The following SUGCT variants were observed in gnomAD, a reference collection of about 807,000 sequenced individuals.
The protein encoded by SUGCT is succinyl-CoA:glutarate CoA-transferase.
A neutral mutation model predicts 55.0 loss-of-function variants in SUGCT; 41 were observed. That is an observed-to-expected ratio of 0.74 (90% CI 0.58 to 0.97). The LOEUF (loss-of-function observed/expected upper bound fraction) is 0.97. Ranked by LOEUF, SUGCT falls within the 50% of genes least tolerant of loss-of-function variation. SUGCT has a pLI of 0.00. For missense variants in SUGCT, 568 were observed against 547.8 expected (o/e 1.04, Z -0.37); for synonymous variants, 187 against 200.4 (o/e 0.93, Z 0.56).
intron 11 of SUGCT, among the ~76,000 whole-genome samples, chr7:40,493,821 A>G (rs1791825782): frequency 1.3e-5 from 2 of 152,178 alleles, no homozygotes; most frequent in Non-Finnish European, 2.9e-5. Flanking sequence ...CTTTTTGCAT[A>G]AAGGATTCCA....
At chr7:40,421,212 C>A (rs759590798) in intron 9 of SUGCT, among the ~76,000 whole-genome samples, 4 of 152,172 alleles carry the variant, frequency 2.6e-5, no homozygotes, top group Non-Finnish European at 5.9e-5. Context: ...AGGTCTTGAG[C>A]TACTGCTTTT....
At chr7:40,940,618 A>C in the SUGCT span, among the ~76,000 whole-genome samples, 2 of 151,970 alleles carry the variant, frequency 1.3e-5, no homozygotes, top group Non-Finnish European at 2.9e-5. Flanking sequence ...GTATATTTTA[A>C]GATATTTTAA....
At chr7:40,146,535 A>T (rs953849320) in intron 1 of SUGCT, among the ~76,000 whole-genome samples, 1 of 152,272 alleles carries the variant, frequency 6.6e-6, no homozygotes, top group Non-Finnish European at 1.5e-5. Context: ...AGTATTCCTT[A>T]TGGGAAACAA....
chr7:40,600,281 T>C (rs1422529911), intron 12 of SUGCT, among the ~76,000 whole-genome samples: 1 of 152,202 alleles, frequency 6.6e-6, no homozygotes, highest in Non-Finnish European at 1.5e-5. Context: ...AAGCTGGATT[T>C]CTGTGCATCT....
chr7:40,370,608 GGA>G lies in SUGCT; in HGVS notation c.816+53764_816+53765del, dbSNP rs148116234. 3.5e-5 allele frequency among the ~76,000 whole-genome samples: 5 copies of G among 143,570 alleles called. 1 individual carries two copies. In the South Asian group the frequency reaches 7.4e-4, roughly 21 times the overall value. The allele number at this position is 143,570 out of a possible 152,430, so 94.2% of individuals were successfully genotyped here. Reference sequence around the variant, plus strand: ...GAGAGAGATGGGGGAGAGAGAGAGAGGAGAGAGAGAGATGGGGGAGAGAGAGA... The same window carrying G: ...GAGAGAGATGGGGGAGAGAGAGAGAGGAGAGAGAGATGGGGGAGAGAGAGA... On this transcript the variant is annotated intron_variant, in intron 9 of 13. Coordinates refer to ENST00000335693, the MANE Select transcript of SUGCT (RefSeq NM_001193313.2).
At chr7:40,383,834 T>G (rs1280112751) in intron 9 of SUGCT, among the ~76,000 whole-genome samples, 1 of 152,168 alleles carries the variant, frequency 6.6e-6, no homozygotes, top group Non-Finnish European at 1.5e-5. Flanking sequence ...TAGATGACAC[T>G]AAAATGTGTG....
intron 7 of SUGCT, among the ~76,000 whole-genome samples, chr7:40,247,796 G>A (rs1790005834): frequency 1.3e-5 from 2 of 152,024 alleles, no homozygotes; most frequent in South Asian, 4.2e-4. Context: ...TGTATACATT[G>A]CTGATATTTT....
intron 12 of SUGCT, among the ~76,000 whole-genome samples, chr7:40,679,243 C>T (rs1056123899): frequency 5.3e-5 from 8 of 152,142 alleles, no homozygotes; most frequent in Admixed American, 5.2e-4. Flanking sequence ...GAACAAGGCC[C>T]CTAGTGTTTA....
At chr7:40,514,710 CAAAAA>C (rs914527174) in intron 12 of SUGCT, among the ~76,000 whole-genome samples, 1 of 13,868 alleles carries the variant, frequency 7.2e-5, no homozygotes, top group Non-Finnish European at 1.6e-4. Context: ...AACTCCGTCT[CAAAAA>C]AAAAAAAAAA....
At chr7:40,958,168 T>C in the SUGCT span, among the ~76,000 whole-genome samples, 1 of 152,134 alleles carries the variant, frequency 6.6e-6, no homozygotes, top group Non-Finnish European at 1.5e-5. Context: ...AGAGTATCTT[T>C]GTGGTGTTCT....
intron 3 of SUGCT, among the ~76,000 whole-genome samples, chr7:40,187,805 C>T (rs909147685): frequency 6.6e-6 from 1 of 152,024 alleles, no homozygotes; most frequent in Admixed American, 6.6e-5. Context: ...TGGTGGTGCA[C>T]GCCTGTAATC....
intron 12 of SUGCT, among the ~76,000 whole-genome samples, chr7:40,673,845 C>T (rs1362677582): frequency 2.6e-5 from 4 of 152,142 alleles, no homozygotes; most frequent in Admixed American, 2.6e-4. Flanking sequence ...TGACTTTGTA[C>T]TGTTGGAGAT....
intron 12 of SUGCT, among the ~76,000 whole-genome samples, chr7:40,556,695 A>C (rs1033565009): frequency 6.6e-6 from 1 of 152,210 alleles, no homozygotes; most frequent in African/African-American, 2.4e-5. Flanking sequence ...TTTGTGCTTC[A>C]GCTTTTTTAT....
At chr7:40,286,126 G>A (rs957336336) in intron 8 of SUGCT, among the ~76,000 whole-genome samples, 4 of 152,176 alleles carry the variant, frequency 2.6e-5, no homozygotes, top group African/African-American at 7.2e-5. Flanking sequence ...ATGTGCCAGA[G>A]TATACAATGA....
chr7:40,557,578 C>T (rs1795615013), intron 12 of SUGCT, among the ~76,000 whole-genome samples: 1 of 151,908 alleles, frequency 6.6e-6, no homozygotes, highest in African/African-American at 2.4e-5. Flanking sequence ...TTCGAGACCA[C>T]CCTGGCCAAC....
intron 11 of SUGCT, among the ~76,000 whole-genome samples, chr7:40,478,983 G>T (rs1790864718): frequency 1.3e-5 from 2 of 151,676 alleles, no homozygotes; most frequent in Admixed American, 1.3e-4. Flanking sequence ...TTGTCCTCTG[G>T]GTTCATCTGT....
At chr7:40,773,285 C>T (rs529640674) in intron 13 of SUGCT, among the ~76,000 whole-genome samples, 1 of 152,112 alleles carries the variant, frequency 6.6e-6, no homozygotes, top group East Asian at 1.9e-4. Context: ...CCTGCCACCA[C>T]GCCCACGTAA....
intron 13 of SUGCT, among the ~76,000 whole-genome samples, chr7:40,802,644 A>G (rs1299291872): frequency 6.6e-6 from 1 of 152,176 alleles, no homozygotes; most frequent in African/African-American, 2.4e-5. Context: ...ATTCTGTTCA[A>G]ATGGTGGTTT....
At chr7:40,521,507 A>G (rs1453981522) in intron 12 of SUGCT, among the ~76,000 whole-genome samples, 1 of 152,152 alleles carries the variant, frequency 6.6e-6, no homozygotes, top group Non-Finnish European at 1.5e-5. Flanking sequence ...GGCATAGGTT[A>G]CTGACCAGTG....
Sources: gnomAD v4.1 joint callset for allele counts (sites outside exome capture counted in the v4.1 genomes callset) on GRCh38, gnomAD v4.1.1 for gene constraint, MANE v1.5 for transcripts, NCBI Gene and HGNC (gene_info 2026-07-23, HGNC 2026-07-21) for gene names.